Variants in ME1 observed in about 807,000 individuals in gnomAD.
ME1 encodes the protein malic enzyme 1, also known as NADP-dependent malic enzyme.
A neutral mutation model predicts 66.4 loss-of-function variants in ME1; 74 were observed. That is an observed-to-expected ratio of 1.11 (90% CI 0.92 to 1.35). The LOEUF (loss-of-function observed/expected upper bound fraction) is 1.35, where lower values mean the gene tolerates loss of function less well. Among genes scored for constraint, ME1 ranks in the 40% most tolerant of loss-of-function variants. The pLI is 0.00. For synonymous variants in ME1, 251 were observed against 235.6 expected (o/e 1.07, Z -0.60); for missense variants, 750 against 694.1 (o/e 1.08, Z -0.90).
rs140639406 is a variant in ME1, at chr6:83,391,121, A to G, written c.362+7246T>C. 5.5e-3 allele frequency among the ~76,000 whole-genome samples: 830 copies of G among 152,204 alleles called. 5 individuals carry two copies. Among genetic ancestry groups the G allele is most frequent in the Non-Finnish European group, 8.3e-3 (566 of 68,020 alleles). On this transcript the variant is annotated intron_variant, in intron 3 of 13. Transcript: ENST00000369705. ...TCAGATAAGATCAGGTTTTGTCCCAAATGAGATTTTTTTACAGTCTTGATT... is the reference window on the plus strand; with the variant it reads ...TCAGATAAGATCAGGTTTTGTCCCAGATGAGATTTTTTTACAGTCTTGATT...
chr6:83,420,361 C>T (rs1175421013), intron 1 of ME1, among the ~76,000 whole-genome samples: 5 of 152,172 alleles, frequency 3.3e-5, no homozygotes, highest in Non-Finnish European at 4.4e-5. Flanking sequence ...AGCCACTGCG[C>T]CCAGTCTGTA....
At chr6:83,355,912 T>C (rs902061372) in intron 3 of ME1, among the ~76,000 whole-genome samples, 1 of 152,188 alleles carries the variant, frequency 6.6e-6, no homozygotes, top group Admixed American at 6.5e-5. Context: ...ATTTTAGACA[T>C]GCCAACTAAG....
intron 3 of ME1, among the ~76,000 whole-genome samples, chr6:83,357,043 T>C (rs1476546363): frequency 6.6e-6 from 1 of 152,214 alleles, no homozygotes; most frequent in Non-Finnish European, 1.5e-5. Flanking sequence ...CATTGATACT[T>C]ATGAACAATT....
chr6:83,284,119 G>A (rs1767355399), intron 6 of ME1, among the ~76,000 whole-genome samples: 2 of 152,052 alleles, frequency 1.3e-5, no homozygotes, highest in Non-Finnish European at 2.9e-5. Context: ...CTATGCACAT[G>A]AACTAGAAAA....
At chr6:83,220,659 T>G (rs927229414) in intron 12 of ME1, among the ~76,000 whole-genome samples, 5 of 152,216 alleles carry the variant, frequency 3.3e-5, no homozygotes, top group African/African-American at 1.2e-4. Flanking sequence ...AAATATAATC[T>G]AGACAAGAAG....
intron 1 of ME1, 40 bp from the exon 2 acceptor site, chr6:83,407,941 G>A: frequency 6.5e-7 from 1 of 1,529,198 alleles, no homozygotes; most frequent in Non-Finnish European, 8.7e-7. Flanking sequence ...AACAGTATTT[G>A]AGAGGAAAAT....
chr6:83,354,401 G>C (rs1223914783), intron 3 of ME1, among the ~76,000 whole-genome samples: 3 of 152,130 alleles, frequency 2.0e-5, no homozygotes, highest in Non-Finnish European at 2.9e-5. Context: ...CAAAGTGTTG[G>C]GATTATAGGC....
intron 3 of ME1, among the ~76,000 whole-genome samples, chr6:83,366,950 A>G (rs1260328331): frequency 6.6e-6 from 1 of 152,204 alleles, no homozygotes; most frequent in African/African-American, 2.4e-5. Flanking sequence ...AGATCCATCA[A>G]ACGAATCACT....
At chr6:83,241,886 A>T (rs1220712063) in intron 7 of ME1, among the ~76,000 whole-genome samples, 1 of 151,984 alleles carries the variant, frequency 6.6e-6, no homozygotes, top group African/African-American at 2.4e-5. Context: ...ATTTTGAGTC[A>T]GCGTCTTACT....
intron 6 of ME1, among the ~76,000 whole-genome samples, chr6:83,288,940 G>A (rs1247852359): frequency 6.6e-6 from 1 of 150,968 alleles, no homozygotes; most frequent in Non-Finnish European, 1.5e-5. Flanking sequence ...TTCACTCATG[G>A]CTCTGTGTTT....
intron 2 of ME1, 104 bp downstream of exon 2, chr6:83,407,664 T>G: frequency 1.7e-6 from 2 of 1,186,810 alleles, no homozygotes. Flanking sequence ...CAAAGTTGGC[T>G]ACCCTTTCCA....
chr6:83,428,991 C>T (rs369948324), intron 1 of ME1, among the ~76,000 whole-genome samples: 8 of 152,124 alleles, frequency 5.3e-5, no homozygotes, highest in East Asian at 1.9e-4. Flanking sequence ...TGGCTGGGCG[C>T]GGTGGCTCAT....
chr6:83,383,377 C>T (rs754565614), intron 3 of ME1, among the ~76,000 whole-genome samples: 2 of 151,822 alleles, frequency 1.3e-5, no homozygotes, highest in African/African-American at 2.4e-5. Flanking sequence ...CTATTGTTTC[C>T]AAATAAATGT....
intron 6 of ME1, among the ~76,000 whole-genome samples, chr6:83,265,029 T>A (rs1368835369): frequency 6.6e-6 from 1 of 152,158 alleles, no homozygotes; most frequent in African/African-American, 2.4e-5. Context: ...TCAATTGATG[T>A]TGCAAACTCC....
chr6:83,275,958 G>T (rs1165912194), intron 6 of ME1, among the ~76,000 whole-genome samples: 1 of 151,100 alleles, frequency 6.6e-6, no homozygotes, highest in Non-Finnish European at 1.5e-5. Flanking sequence ...CTTTAGTAGA[G>T]ACGGGGTTTC....
intron 5 of ME1, among the ~76,000 whole-genome samples, chr6:83,316,285 G>T (rs1175865636): frequency 1.3e-5 from 2 of 151,962 alleles, no homozygotes; most frequent in Non-Finnish European, 1.5e-5. Context: ...TGAGAATGTT[G>T]CCCTGTGTAA....
chr6:83,392,920 G>A (rs1562000997), intron 3 of ME1: 8 of 809,732 alleles, frequency 9.9e-6, no homozygotes, highest in Non-Finnish European at 1.5e-5. Context: ...GACAACTTTG[G>A]TACCGTGGAA....
chr6:83,417,210 T>C (rs1770177976), intron 1 of ME1, among the ~76,000 whole-genome samples: 1 of 151,910 alleles, frequency 6.6e-6, no homozygotes, highest in Non-Finnish European at 1.5e-5. Context: ...CCACCACATC[T>C]GGAAAAAAAA....
intron 3 of ME1, among the ~76,000 whole-genome samples, chr6:83,360,063 T>C (rs1465033870): frequency 6.6e-6 from 1 of 152,130 alleles, no homozygotes; most frequent in East Asian, 1.9e-4. Flanking sequence ...AATCTGAAAA[T>C]TTCTAGGTCG....
Sources: allele counts gnomAD v4.1 joint callset (sites outside exome capture counted in the v4.1 genomes callset), GRCh38; gene constraint gnomAD v4.1.1; transcripts MANE v1.5; gene names NCBI Gene and HGNC (gene_info 2026-07-23, HGNC 2026-07-21).